PRDM15: variants seen among roughly 807,000 people sequenced by gnomAD.
PRDM15 encodes the protein PR/SET domain 15, also known as PR domain zinc finger protein 15.
In PRDM15, 64 loss-of-function variants were observed where a neutral mutation model predicts 128.6. That is an observed-to-expected ratio of 0.50 (90% confidence interval 0.41 to 0.61). PRDM15 has a LOEUF of 0.61. Ranked by LOEUF, PRDM15 falls within the 20% of genes least tolerant of loss-of-function variation. The pLI is 0.00. For missense variants in PRDM15, 1,242 were observed against 1,569.1 expected, an observed-to-expected ratio of 0.79 and a Z score of 3.52; for synonymous variants, 615 against 621.8, an observed-to-expected ratio of 0.99 and a Z score of 0.16.
intron 14 of PRDM15, 49 bp from the exon 15 acceptor site, chr21:41,822,086 C>T (rs1399789408): frequency 2.5e-6 from 4 of 1,609,654 alleles, no homozygotes; most frequent in Non-Finnish European, 3.4e-6. Flanking sequence ...GCAGACGCTT[C>T]ACTCAGTTAT....
intron 10 of PRDM15, 139 bp downstream of exon 10, chr21:41,835,962 AGCCCCCGCCCAC>A: frequency 1.6e-5 from 2 of 124,748 alleles, no homozygotes; most frequent in South Asian, 1.2e-4. Flanking sequence ...CCTCCCCCAC[AGCCCCCGCCCAC>A]TCTCCTCCCT....
chr21:41,836,796 T>G, intron 8 of PRDM15, 147 bp from the exon 9 acceptor site: 1 of 607,984 alleles, frequency 1.6e-6, no homozygotes, highest in Non-Finnish European at 2.9e-6. Flanking sequence ...CGGGCGTCAC[T>G]CCCAGCTTCC....
At position 41,859,467 on chromosome 21, in the gene PRDM15, G is replaced by A. The variant is rs1313082140; in HGVS notation, c.131+125C>T. 6.3e-6 allele frequency: 5 copies of A among 788,334 alleles called. No individual in the cohort carries two copies. The East Asian group carries it at 1.1e-4, about 17-fold the overall frequency. 48.8% of individuals were successfully genotyped at this position (788,334 alleles called of 1,614,324 possible). On this transcript the variant is annotated intron_variant, in intron 3 of 23. Transcript: ENST00000398548. The surrounding 1 kb of genome is among the most constrained non-coding windows in gnomAD (Gnocchi z 5.3). ...GTTCACAGTGGGAGCGGAATCGCTGGCTCTCACTCAGAGTGCCTCTGTTCT... is the reference window on the plus strand; with the variant it reads ...GTTCACAGTGGGAGCGGAATCGCTGACTCTCACTCAGAGTGCCTCTGTTCT...
intron 10 of PRDM15, 100 bp from the exon 11 acceptor site, chr21:41,835,624 TTA>T (rs1387961269): frequency 2.3e-6 from 2 of 863,216 alleles, no homozygotes; most frequent in Non-Finnish European, 3.8e-6. Flanking sequence ...CCTGTGTCTG[TTA>T]TGACTCTGAC....
intron 1 of PRDM15, among the ~76,000 whole-genome samples, chr21:41,870,329 C>T (rs2064166685): frequency 6.6e-6 from 1 of 152,138 alleles, no homozygotes; most frequent in African/African-American, 2.4e-5. Context: ...ACCCTTTCAG[C>T]TTCTTAATTT....
At chr21:41,877,103 G>A (rs1869319635) in intron 1 of PRDM15, among the ~76,000 whole-genome samples, 1 of 151,950 alleles carries the variant, frequency 6.6e-6, no homozygotes, top group African/African-American at 2.4e-5. Context: ...TGCCTGGTGG[G>A]GGCAGGCACC....
In PRDM15 at chr21:41,868,199, G is replaced by C. The variant is rs115650385; in HGVS notation, c.-9-7827C>G. Among the ~76,000 whole-genome samples, 1,286 of 152,108 alleles carry C rather than the reference G, an allele frequency of 8.5e-3. 20 individuals carry two copies. The highest frequency in any genetic ancestry group is 0.029 in the African/African-American group (1,223 of 41,460). ...ATTGCTGAATAATATTCCATGATTC[G>C]AGTGCATTACCGTTTGTTTAGCAAT... On this transcript the variant is annotated intron_variant, in intron 1 of 23. Coordinates refer to ENST00000398548, the MANE Select transcript of PRDM15 (RefSeq NM_001040424.3).
intron 11 of PRDM15, among the ~76,000 whole-genome samples, chr21:41,829,950 A>C (rs904065352): frequency 6.6e-6 from 1 of 151,566 alleles, no homozygotes; most frequent in African/African-American, 2.4e-5. Context: ...CACATACTAC[A>C]CAAATACACA....
In PRDM15 at chr21:41,847,154, C is replaced by T. The variant is rs555288106; in HGVS notation, c.576G>A (p.Ser192=). 12 of 1,554,630 alleles carry T rather than the reference C, an allele frequency of 7.7e-6. No homozygotes were observed. The highest frequency in any genetic ancestry group is 1.4e-5 in the African/African-American group (1 of 73,538). The change falls in exon 6 of 24, where the codon TCG becomes TCA. Residue 192 remains serine (S), a synonymous_variant. Coordinates refer to ENST00000398548, the MANE Select transcript of PRDM15 (RefSeq NM_001040424.3). ...GTPENSAPVE[S]EPSQWACKVC... The stretch of plus-strand genomic sequence containing the variant: ...CTTTACACGCCCACTGGCTGGGCTC[C>T]GACTCCACGGGGGCGCTGTTTTCTG...
chr21:41,858,980 C>T, intron 3 of PRDM15: 1 of 1,412,540 alleles, frequency 7.1e-7, no homozygotes, highest in Non-Finnish European at 9.7e-7. Context: ...GAACTGCCAT[C>T]CTCTACAGAG....
chr21:41,870,285 T>C (rs1290879172), intron 1 of PRDM15, among the ~76,000 whole-genome samples: 1 of 152,244 alleles, frequency 6.6e-6, no homozygotes, highest in Non-Finnish European at 1.5e-5. Context: ...GGAATTTTTT[T>C]CATACTAAGC....
intron 18 of PRDM15, among the ~76,000 whole-genome samples, chr21:41,816,468 C>T (rs957070635): frequency 6.6e-6 from 1 of 152,320 alleles, no homozygotes; most frequent in African/African-American, 2.4e-5. Context: ...AACAGGGCGA[C>T]CCAGCCCAAA....
chr21:41,828,706 TGACA>T lies in PRDM15; in HGVS notation c.1367-377_1367-374del, dbSNP rs964299826. On this transcript the variant is annotated intron_variant, in intron 11 of 23. Coordinates refer to ENST00000398548, the MANE Select transcript of PRDM15 (RefSeq NM_001040424.3). This position sits in a 1 kb window ranked among gnomAD's most constrained non-coding sequence, Gnocchi z 5.7. ...GCACCCTCCACCCAGCATGACTGAC[TGACA>T]GATAGAATGACCTACCTACCAACCA... Among the ~76,000 whole-genome samples the T allele has an allele frequency of 4.6e-5, 7 of 151,826 alleles. No individual in the cohort carries two copies. The highest frequency in any genetic ancestry group is 1.7e-4 in the African/African-American group (7 of 41,224).
intron 5 of PRDM15, among the ~76,000 whole-genome samples, chr21:41,850,471 C>T (rs1439025602): frequency 2.0e-5 from 3 of 152,056 alleles, no homozygotes; most frequent in East Asian, 1.9e-4. Flanking sequence ...CAGTGCTTCA[C>T]GCCTGGAATC....
chr21:41,847,240 T>G (rs933302037), intron 5 of PRDM15, 49 bp from the exon 6 acceptor site: 1 of 1,317,670 alleles, frequency 7.6e-7, no homozygotes, highest in African/African-American at 1.5e-5. Context: ...GCAGCTCATA[T>G]GTCTCCATGA....
rs1300830475 is a variant in PRDM15, at chr21:41,819,718, C to G, written c.2141-17G>C. 1.3e-6 allele frequency: 2 copies of G among 1,590,648 alleles called. No individual in the cohort carries two copies. Among genetic ancestry groups the G allele is most frequent in the Non-Finnish European group, 1.7e-6 (2 of 1,173,212 alleles). ...TCTTCACACCTGAGAACACAGGCAT[C>G]TGCCACTCAGAGCCGAGCAGCTCCG... On this transcript the variant is annotated splice_polypyrimidine_tract_variant and intron_variant, in intron 17 of 23. Coordinates refer to ENST00000398548, the MANE Select transcript of PRDM15 (RefSeq NM_001040424.3).
rs1011768870 is a variant in PRDM15 at position 41,832,930 on chromosome 21, T to G, written c.1366+2507A>C. On this transcript the variant is annotated intron_variant, in intron 11 of 23. Transcript: ENST00000398548. This position sits in a 1 kb window ranked among gnomAD's most constrained non-coding sequence, Gnocchi z 4.2. ...GGTGGCTTCTCCCGCAGCCACCCAC[T>G]CACTGCCAGTTCAGGAACCCACAGG... Among the ~76,000 whole-genome samples, 2 of 152,130 alleles carry G rather than the reference T, an allele frequency of 1.3e-5. No homozygotes were observed. The highest frequency in any genetic ancestry group is 2.4e-5 in the African/African-American group (1 of 41,422).
Position 41,879,019 on chromosome 21 carries a change from G to C in PRDM15, c.-10+251C>G. ...ACCCGGCGGGCGGGCGGCGCGCAGG[G>C]CGATCCCGGAGCGGCTCCGGGAAAT... On this transcript the variant is annotated intron_variant, in intron 1 of 23. Transcript: ENST00000398548. This position sits in a 1 kb window ranked among gnomAD's most constrained non-coding sequence, Gnocchi z 5.1. The C allele has an allele frequency of 1.9e-6, 2 of 1,067,564 alleles. No homozygotes were observed. The highest frequency in any genetic ancestry group is 1.2e-6 in the Non-Finnish European group (1 of 868,122). The allele number at this position is 1,067,564 out of a possible 1,614,324, so 66.1% of individuals were successfully genotyped here.
At chr21:41,802,191 A>G (rs2061434276) in intron 23 of PRDM15, among the ~76,000 whole-genome samples, 1 of 152,234 alleles carries the variant, frequency 6.6e-6, no homozygotes, top group African/African-American at 2.4e-5. Flanking sequence ...ACCATCCCCC[A>G]AAACAAGAGA....
Sources: allele counts gnomAD v4.1 joint callset (sites outside exome capture counted in the v4.1 genomes callset), GRCh38; gene constraint gnomAD v4.1.1; non-coding constraint Gnocchi (gnomAD v3.1); transcripts MANE v1.5; gene names NCBI Gene and HGNC (gene_info 2026-07-23, HGNC 2026-07-21).